SLC47A1: variants seen among roughly 807,000 people sequenced by gnomAD.
SLC47A1 encodes the protein solute carrier family 47 member 1.
Under a neutral mutation model 65.8 loss-of-function variants are expected in SLC47A1, and 58 were observed. The ratio of observed to expected loss-of-function variants is 0.88; its 90% CI spans 0.71 to 1.10. The LOEUF (loss-of-function observed/expected upper bound fraction) is 1.10. SLC47A1 is among the 50% of genes least tolerant of loss of function. The pLI, the probability that SLC47A1 is intolerant of heterozygous loss-of-function variation, is 0.00. For missense variants in SLC47A1, 706 were observed against 719.2 expected (o/e 0.98, Z 0.21); for synonymous variants, 285 against 295.0 (o/e 0.97, Z 0.35).
At chr17:19,555,535 G>A (rs1384878967) in intron 7 of SLC47A1, 58 bp from the exon 8 acceptor site, 2 of 1,543,974 alleles carry the variant, frequency 1.3e-6, no homozygotes, top group African/African-American at 1.4e-5. Context: ...TCCTCACTGA[G>A]TTGGGCAGGG....
intron 1 of SLC47A1, 44 bp from the exon 2 acceptor site, chr17:19,542,349 A>C (rs778046742): frequency 5.4e-6 from 8 of 1,479,438 alleles, no homozygotes; most frequent in East Asian, 2.4e-5. Flanking sequence ...GCTTCCCTGC[A>C]ATGGTGGTCA....
At chr17:19,540,855 C>CACACACACACACAT (rs1189324400) in intron 1 of SLC47A1, among the ~76,000 whole-genome samples, 1 of 149,296 alleles carries the variant, frequency 6.7e-6, no homozygotes, top group African/African-American at 2.6e-5. Flanking sequence ...AACAGACACA[C>CACACACACACACAT]ACACACACAC....
At chr17:19,547,090 C>A (rs557293268) in intron 3 of SLC47A1, 1 of 153,034 alleles carries the variant, frequency 6.5e-6, no homozygotes, top group Non-Finnish European at 1.5e-5. Flanking sequence ...CTTGCTCTAT[C>A]GCCCAGGCTG....
At chr17:19,559,511 G>A (rs1394736683) in intron 10 of SLC47A1, among the ~76,000 whole-genome samples, 2 of 152,168 alleles carry the variant, frequency 1.3e-5, no homozygotes, top group Non-Finnish European at 1.5e-5. Flanking sequence ...GACAGAGTGA[G>A]ACCCTGTCCC....
intron 16 of SLC47A1, among the ~76,000 whole-genome samples, chr17:19,575,917 G>A (rs1212951120): frequency 1.3e-5 from 2 of 152,108 alleles, no homozygotes; most frequent in African/African-American, 2.4e-5. Context: ...ACATCCCAGT[G>A]AGGCCCAACA....
intron 15 of SLC47A1, among the ~76,000 whole-genome samples, chr17:19,572,075 G>A (rs1360769866): frequency 6.6e-6 from 1 of 152,114 alleles, no homozygotes; most frequent in Non-Finnish European, 1.5e-5. Flanking sequence ...GATCGCTTGA[G>A]CCCTAGAGTT....
At chr17:19,567,267 C>T in intron 14 of SLC47A1, 39 bp downstream of exon 14, 7 of 1,612,916 alleles carry the variant, frequency 4.3e-6, no homozygotes, top group Non-Finnish European at 5.9e-6. Context: ...TAGCTGCTCA[C>T]CAGCCCAGGA....
At chr17:19,543,113 CTT>C (rs200136822) in intron 2 of SLC47A1, among the ~76,000 whole-genome samples, 56 of 131,664 alleles carry the variant, frequency 4.3e-4, no homozygotes, top group Admixed American at 1.6e-3. Flanking sequence ...TATTTCTTTT[CTT>C]TTTTTTTTTT....
intron 12 of SLC47A1, among the ~76,000 whole-genome samples, chr17:19,566,181 T>C (rs1182170012): frequency 6.6e-6 from 1 of 152,174 alleles, no homozygotes; most frequent in East Asian, 1.9e-4. Context: ...ATTAACATTA[T>C]CATAATGTAT....
rs1256463500 is a variant in SLC47A1 at position 19,555,234 on chromosome 17, T to C, written c.566T>C (p.Val189Ala). 1 of 1,614,226 alleles carries C rather than the reference T, an allele frequency of 6.2e-7. No individual in the cohort carries two copies. Among genetic ancestry groups the C allele is most frequent in the South Asian group, 1.1e-5 (1 of 91,086 alleles). Residue 189 changes from valine to alanine, a missense_variant, in exon 7 of 17, where the codon GTA becomes GCA. By Grantham distance (64) the Val-to-Ala change is moderately conservative (BLOSUM62 0). Coordinates refer to ENST00000270570, the MANE Select transcript of SLC47A1 (RefSeq NM_018242.3). ...LNQGIVLPQI[V>A]TGVAANLVNA... ...CAGGGAATTGTACTGCCCCAGATCGTAACTGGAGTTGCAGCCAACCTTGTC... is the reference window on the plus strand; with the variant it reads ...CAGGGAATTGTACTGCCCCAGATCGCAACTGGAGTTGCAGCCAACCTTGTC...
intron 4 of SLC47A1, among the ~76,000 whole-genome samples, chr17:19,548,726 C>T (rs1916363959): frequency 6.6e-6 from 1 of 152,152 alleles, no homozygotes; most frequent in East Asian, 1.9e-4. Context: ...GCCTCAAACT[C>T]CTGACCTCAC....
chr17:19,535,586 C>T (rs1815620228), intron 1 of SLC47A1: 1 of 151,904 alleles, frequency 6.6e-6, no homozygotes, highest in Non-Finnish European at 1.5e-5. Context: ...CCCGTCTATA[C>T]TAAAAATACA....
chr17:19,558,903 T>A (rs571969464), intron 10 of SLC47A1, among the ~76,000 whole-genome samples: 20 of 152,210 alleles, frequency 1.3e-4, no homozygotes, highest in Non-Finnish European at 5.9e-5. Flanking sequence ...ATTACTTTTT[T>A]ATTTCTCAAT....
At chr17:19,576,613 T>C (rs1435353580) in intron 16 of SLC47A1, among the ~76,000 whole-genome samples, 1 of 152,116 alleles carries the variant, frequency 6.6e-6, no homozygotes, top group Admixed American at 6.6e-5. Flanking sequence ...TCCCAAAGTG[T>C]TGGAATTACG....
At chr17:19,565,785 G>T (rs2084352079) in intron 12 of SLC47A1, among the ~76,000 whole-genome samples, 1 of 151,862 alleles carries the variant, frequency 6.6e-6, no homozygotes, top group African/African-American at 2.4e-5. Flanking sequence ...GTTTCACCAT[G>T]TTAGCCAGGA....
At chr17:19,548,651 T>G (rs370357347) in intron 4 of SLC47A1, among the ~76,000 whole-genome samples, 1 of 151,996 alleles carries the variant, frequency 6.6e-6, no homozygotes, top group Non-Finnish European at 1.5e-5. Flanking sequence ...AGGCACCTAC[T>G]ACCACGCCTG....
At chr17:19,541,450 T>C (rs936644940) in intron 1 of SLC47A1, among the ~76,000 whole-genome samples, 1 of 152,116 alleles carries the variant, frequency 6.6e-6, no homozygotes, top group African/African-American at 2.4e-5. Context: ...AGAAATAAGC[T>C]CATTATCCAA....
intron 4 of SLC47A1, among the ~76,000 whole-genome samples, chr17:19,549,314 G>A (rs2453574): frequency 0.18 from 27,401 of 151,492 alleles, 2,652 homozygotes; most frequent in East Asian, 0.4. Context: ...TTCTCCTGCC[G>A]CAGCCTCCCA....
At chr17:19,571,387 T>C in intron 14 of SLC47A1, 91 bp from the exon 15 acceptor site, 2 of 1,078,874 alleles carry the variant, frequency 1.9e-6, no homozygotes, top group South Asian at 2.9e-5. Context: ...ATATTCAGTA[T>C]GGCTGACAGA....
Sources: allele counts gnomAD v4.1 joint callset (sites outside exome capture counted in the v4.1 genomes callset), GRCh38; gene constraint gnomAD v4.1.1; transcripts MANE v1.5; gene names NCBI Gene and HGNC (gene_info 2026-07-23, HGNC 2026-07-21).